The following PITPNM3 variants were observed in gnomAD, a reference collection of about 807,000 sequenced individuals.
PITPNM3 encodes PITPNM family member 3, also known as membrane-associated phosphatidylinositol transfer protein 3.
Under a neutral mutation model 102.0 loss-of-function variants are expected in PITPNM3, and 26 were observed. That is an observed-to-expected ratio of 0.25 (90% CI 0.19 to 0.35). The LOEUF (loss-of-function observed/expected upper bound fraction) is 0.35. Ranked by LOEUF, PITPNM3 falls within the 10% of genes least tolerant of loss-of-function variation. The pLI is 1.00. For missense variants in PITPNM3, 1,083 were observed against 1,346.1 expected, an observed-to-expected ratio of 0.80 and a Z score of 3.06; for synonymous variants, 578 against 558.6, an observed-to-expected ratio of 1.03 and a Z score of -0.49.
In PITPNM3 at chr17:6,461,449, A is replaced by G. The variant is rs1473947706; in HGVS notation, c.2414T>C (p.Met805Thr). ...WLSQHNFPQG[M>T]IFFSDGLVHD... ...CACCAGCCCATCGGAGAAGAAGATCATGCCCTGTGGGAAGTTGTGCTGGGA... is the reference window on the plus strand; with the variant it reads ...CACCAGCCCATCGGAGAAGAAGATCGTGCCCTGTGGGAAGTTGTGCTGGGA... The change falls in exon 18 of 20, where the codon ATG (methionine) becomes ACG (threonine). Residue 805 changes from methionine to threonine, a missense_variant. Physicochemically the swap from Met to Thr is moderately conservative, Grantham distance 81. Around this residue, in one of 5 missense-constraint regions of PITPNM3, gnomAD observed 410 missense variants for 638.4 expected, o/e 0.64. Transcript: ENST00000262483. 3 of 1,614,160 alleles carry G rather than the reference A, an allele frequency of 1.9e-6. No homozygotes were observed. Among genetic ancestry groups the G allele is most frequent in the South Asian group, 2.2e-5 (2 of 91,090 alleles).
chr17:6,497,363 G>A (rs535420941), intron 4 of PITPNM3, among the ~76,000 whole-genome samples: 2 of 152,340 alleles, frequency 1.3e-5, no homozygotes, highest in South Asian at 2.1e-4. Context: ...TGCCCACGAT[G>A]GGGAGAGGTG....
intron 5 of PITPNM3, 78 bp from the exon 6 acceptor site, chr17:6,483,830 T>A: frequency 8.2e-7 from 1 of 1,223,992 alleles, no homozygotes; most frequent in South Asian, 1.2e-5. Flanking sequence ...CACACACACA[T>A]GTGCGCATAC....
chr17:6,470,511 T>A lies in PITPNM3; in HGVS notation c.1625-103A>T. On this transcript the variant is annotated intron_variant, in intron 12 of 19. Transcript: ENST00000262483. This position sits in a 1 kb window ranked among gnomAD's most constrained non-coding sequence, Gnocchi z 4.8. ...ACAGACTGGTGGTGGATGCCCCACGTGGGGCACGGGTTTGGGCGGGAGCAC... is the reference window on the plus strand; with the variant it reads ...ACAGACTGGTGGTGGATGCCCCACGAGGGGCACGGGTTTGGGCGGGAGCAC... 6.6e-7 allele frequency: 1 copy of A among 1,516,796 alleles called. No homozygotes were observed. The highest frequency in any genetic ancestry group is 1.4e-5 in the African/African-American group (1 of 73,344). The allele number at this position is 1,516,796 out of a possible 1,614,324, so 94.0% of individuals were successfully genotyped here.
intron 1 of PITPNM3, among the ~76,000 whole-genome samples, chr17:6,553,739 AC>A (rs1240212060): frequency 6.6e-6 from 1 of 150,404 alleles, no homozygotes; most frequent in Non-Finnish European, 1.5e-5. Flanking sequence ...TTCCTGTGTC[AC>A]CCCCCGCCGC....
chr17:6,471,749 A>C (rs748861717), intron 11 of PITPNM3, among the ~76,000 whole-genome samples: 1 of 152,028 alleles, frequency 6.6e-6, no homozygotes, highest in Non-Finnish European at 1.5e-5. Context: ...CCTGCGCCAC[A>C]AAGAATTGAG....
At chr17:6,549,321 G>A (rs1308663355) in intron 1 of PITPNM3, among the ~76,000 whole-genome samples, 1 of 152,180 alleles carries the variant, frequency 6.6e-6, no homozygotes, top group Admixed American at 6.5e-5. Flanking sequence ...CCCATCTCTA[G>A]CCTCAAATCA....
At chr17:6,518,252 G>T (rs1908298231) in intron 3 of PITPNM3, among the ~76,000 whole-genome samples, 1 of 152,164 alleles carries the variant, frequency 6.6e-6, no homozygotes, top group African/African-American at 2.4e-5. Flanking sequence ...GAACGTGGAG[G>T]TTTTGAACTA....
chr17:6,496,755 C>A (rs1906850499), intron 4 of PITPNM3, among the ~76,000 whole-genome samples: 1 of 152,072 alleles, frequency 6.6e-6, no homozygotes, highest in South Asian at 2.1e-4. Flanking sequence ...GGTGAATGAA[C>A]TAATCATTTG....
intron 3 of PITPNM3, among the ~76,000 whole-genome samples, chr17:6,506,938 A>C (rs1040587986): frequency 2.6e-5 from 4 of 152,344 alleles, no homozygotes; most frequent in African/African-American, 9.6e-5. Context: ...TCCATGCTGA[A>C]ACGCACTAGT....
rs1223886468 is a variant in PITPNM3 at position 6,451,377 on chromosome 17, CTT to C, written c.*3959_*3960del. ...TTTAACTCCATAATGCTGTTTTTGT[CTT>C]GTTAGAAATCTGATATCTTACATTA... is the stretch of plus-strand genomic sequence containing the variant. On this transcript the variant is annotated 3_prime_UTR_variant, in exon 20 of 20. Coordinates refer to ENST00000262483, the MANE Select transcript of PITPNM3 (RefSeq NM_031220.4). The C allele has an allele frequency of 6.6e-6, 1 of 152,206 alleles. No homozygotes were observed. The highest frequency in any genetic ancestry group is 2.4e-5 in the African/African-American group (1 of 41,460). The allele number at this position is 152,206 out of a possible 1,614,324, so 9.4% of individuals were successfully genotyped here. A position where few individuals can be genotyped will look rare whatever the true frequency, so the allele number is the denominator to read the frequency against.
At chr17:6,516,318 C>G (rs1225252244) in intron 3 of PITPNM3, among the ~76,000 whole-genome samples, 3 of 152,124 alleles carry the variant, frequency 2.0e-5, no homozygotes, top group Non-Finnish European at 4.4e-5. Flanking sequence ...AATCCCAGCA[C>G]TTTGGGAGGC....
chr17:6,468,217 G>A lies in PITPNM3; in HGVS notation c.1890+8C>T, dbSNP rs1220582104. 6.2e-7 allele frequency: 1 copy of A among 1,611,804 alleles called. No homozygotes were observed. The highest frequency in any genetic ancestry group is 2.2e-5 in the East Asian group (1 of 44,872). Reference sequence around the variant, plus strand: ...TCCCAGCCACATGCGAACTGAGCATGCACGCACCCTCAGCTTGACCTGAGT... The same window carrying A: ...TCCCAGCCACATGCGAACTGAGCATACACGCACCCTCAGCTTGACCTGAGT... On this transcript the variant is annotated splice_region_variant and intron_variant, in intron 14 of 19. Transcript: ENST00000262483. The surrounding 1 kb of genome is among the most constrained non-coding windows in gnomAD (Gnocchi z 5.2).
chr17:6,471,050 C>G, intron 12 of PITPNM3, 111 bp downstream of exon 12: 2 of 1,298,472 alleles, frequency 1.5e-6, no homozygotes, highest in Non-Finnish European at 2.2e-6. Flanking sequence ...CCTTCACCTT[C>G]TCCCTATCCC....
rs574835803 is a variant in PITPNM3, at chr17:6,458,962, G to A, written c.2491-1240C>T. Reference sequence around the variant, plus strand: ...CCCCATCCTGCAGGTGACTGCCTTCGATGCTGGACCAAGGAGAGGGCTTCC... The same window carrying A: ...CCCCATCCTGCAGGTGACTGCCTTCAATGCTGGACCAAGGAGAGGGCTTCC... On this transcript the variant is annotated intron_variant, in intron 18 of 19. Transcript: ENST00000262483. The surrounding 1 kb of genome is among the most constrained non-coding windows in gnomAD (Gnocchi z 5.1). Among the ~76,000 whole-genome samples the A allele has an allele frequency of 6.6e-6, 1 of 151,964 alleles. No individual in the cohort carries two copies. The highest frequency in any genetic ancestry group is 2.4e-5 in the African/African-American group (1 of 41,444).
At chr17:6,554,332 A>C (rs1597425946) in intron 1 of PITPNM3, among the ~76,000 whole-genome samples, 1 of 151,322 alleles carries the variant, frequency 6.6e-6, no homozygotes, top group South Asian at 2.1e-4. Context: ...AAAAAAAAAA[A>C]AAAAAAAGGA....
At chr17:6,531,874 G>A (rs1427515877) in intron 2 of PITPNM3, among the ~76,000 whole-genome samples, 6 of 152,146 alleles carry the variant, frequency 3.9e-5, no homozygotes, top group Admixed American at 6.5e-5. Context: ...AGGCTGAGGC[G>A]GACGGATCAC....
In PITPNM3 at chr17:6,478,977, G is replaced by C. The variant is rs914451298; in HGVS notation, c.588-241C>G. 6.0e-5 allele frequency: 34 copies of C among 566,452 alleles called. No individual in the cohort carries two copies. The highest frequency in any genetic ancestry group is 9.1e-5 in the Non-Finnish European group (29 of 317,946). The allele number at this position is 566,452 out of a possible 1,614,324, so 35.1% of individuals were successfully genotyped here. ...CTTCCCGTGCTGGCCATGGGTGTGG[G>C]CCCTGGGGTCCCTGTGACTGCAGTC... On this transcript the variant is annotated intron_variant, in intron 6 of 19. Coordinates refer to ENST00000262483, the MANE Select transcript of PITPNM3 (RefSeq NM_031220.4). The surrounding 1 kb of genome is among the most constrained non-coding windows in gnomAD (Gnocchi z 4.4).
intron 3 of PITPNM3, among the ~76,000 whole-genome samples, chr17:6,521,606 C>T (rs1477414614): frequency 2.0e-5 from 3 of 150,874 alleles, no homozygotes; most frequent in Non-Finnish European, 4.4e-5. Flanking sequence ...CTGAAGGATC[C>T]CTTTCCATTA....
chr17:6,503,471 G>A, intron 4 of PITPNM3, 56 bp downstream of exon 4: 1 of 1,576,266 alleles, frequency 6.3e-7, no homozygotes, highest in African/African-American at 1.3e-5. Context: ...CAGGCTCAAT[G>A]AGCTTGCACC....
Sources: allele counts gnomAD v4.1 joint callset (sites outside exome capture counted in the v4.1 genomes callset), GRCh38; gene constraint gnomAD v4.1.1; regional missense constraint gnomAD v4.1.1; non-coding constraint Gnocchi (gnomAD v3.1); transcripts MANE v1.5; gene names NCBI Gene and HGNC (gene_info 2026-07-23, HGNC 2026-07-21).